VPS13D: variants seen among roughly 807,000 people sequenced by gnomAD.
VPS13D encodes the protein intermembrane lipid transfer protein VPS13D.
VPS13D carries 187 observed loss-of-function variants against 461.9 expected under a neutral mutation model. The ratio of observed to expected loss-of-function variants is 0.40; its 90% CI spans 0.36 to 0.46. The LOEUF is 0.46. VPS13D is among the 20% of genes least tolerant of loss of function. The pLI is 0.60. For synonymous variants in VPS13D, 1,951 were observed against 1,986.3 expected, an observed-to-expected ratio of 0.98 and a Z score of 0.47; for missense variants, 4,711 against 5,364.9, an observed-to-expected ratio of 0.88 and a Z score of 3.81.
chr1:12,242,477 T>C, intron 2 of VPS13D, 36 bp from the exon 3 acceptor site: 1 of 1,590,452 alleles, frequency 6.3e-7, no homozygotes, highest in Non-Finnish European at 8.6e-7. Context: ...CTGTATTTGT[T>C]AAATGGATAT....
chr1:12,266,794 C>T, intron 13 of VPS13D, 87 bp from the exon 14 acceptor site: 1 of 1,187,044 alleles, frequency 8.4e-7, no homozygotes, highest in Non-Finnish European at 1.1e-6. Flanking sequence ...CTATAATAAT[C>T]TTCTGTAAAA....
intron 67 of VPS13D, among the ~76,000 whole-genome samples, chr1:12,471,574 T>C (rs1250697774): frequency 6.6e-6 from 1 of 152,248 alleles, no homozygotes; most frequent in Non-Finnish European, 1.5e-5. Context: ...ATAAACCAAC[T>C]GCTATTTCTT....
chr1:12,467,233 A>T (rs189156727), intron 67 of VPS13D, among the ~76,000 whole-genome samples: 8 of 152,142 alleles, frequency 5.3e-5, no homozygotes, highest in African/African-American at 1.9e-4. Context: ...ATGCAGTGGC[A>T]CAACCTCGGC....
intron 65 of VPS13D, 91 bp downstream of exon 65, chr1:12,416,918 A>C: frequency 7.3e-7 from 1 of 1,368,580 alleles, no homozygotes; most frequent in South Asian, 1.7e-5. Context: ...GGCTGTGAAA[A>C]GTTATATTCA....
At chr1:12,294,775 G>A (rs1460242372) in intron 24 of VPS13D, among the ~76,000 whole-genome samples, 1 of 152,054 alleles carries the variant, frequency 6.6e-6, no homozygotes, top group East Asian at 1.9e-4. Flanking sequence ...TGGCGCCACT[G>A]CACTCCAGTC....
At chr1:12,250,106 T>TA (rs1401344474) in intron 6 of VPS13D, among the ~76,000 whole-genome samples, 7 of 152,194 alleles carry the variant, frequency 4.6e-5, no homozygotes, top group Non-Finnish European at 1.0e-4. Context: ...TGGTTTATAA[T>TA]AAACGGTGTT....
chr1:12,262,770 CT>C (rs767381111), intron 13 of VPS13D, among the ~76,000 whole-genome samples: 9 of 150,902 alleles, frequency 6.0e-5, no homozygotes, highest in Non-Finnish European at 1.2e-4. Flanking sequence ...GTGGCATGAT[CT>C]TGGCTCACTG....
rs145667055 is a variant in VPS13D, at chr1:12,342,948, G to A, written c.8782G>A (p.Gly2928Arg). The change falls in exon 42 of 70, where the codon GGA becomes AGA. Residue 2928 changes from glycine (G) to arginine (R), a missense_variant. This residue lies in a region of VPS13D where 4,411 missense variants were observed against 4,937.8 expected (regional missense o/e 0.89). Coordinates refer to ENST00000620676, the MANE Select transcript of VPS13D (RefSeq NM_015378.4). ...TCCAGGGGTAGTTCCAGAAGGGAAC[G>A]GAACATTTCTCGATGATACTCACAA... ...GSPGVVPEGN[G>R]TFLDDTHNVS... 73 of 1,613,742 alleles carry A rather than the reference G, an allele frequency of 4.5e-5. No homozygotes were observed. The highest frequency in any genetic ancestry group is 6.7e-5 in the African/African-American group (5 of 75,020).
chr1:12,459,412 C>T (rs1645373538), intron 66 of VPS13D, among the ~76,000 whole-genome samples: 1 of 152,090 alleles, frequency 6.6e-6, no homozygotes, highest in African/African-American at 2.4e-5. Flanking sequence ...CTGGATCAAT[C>T]CCACATGGAT....
intron 6 of VPS13D, among the ~76,000 whole-genome samples, chr1:12,251,444 T>C (rs924875673): frequency 1.2e-4 from 18 of 152,254 alleles, no homozygotes; most frequent in African/African-American, 4.3e-4. Flanking sequence ...CCCTGTTCTG[T>C]GATCTCCAGG....
At chr1:12,365,237 C>CAT (rs1247540438) in intron 52 of VPS13D, among the ~76,000 whole-genome samples, 1 of 152,176 alleles carries the variant, frequency 6.6e-6, no homozygotes, top group Non-Finnish European at 1.5e-5. Flanking sequence ...TTTCTCTATT[C>CAT]AGAGTTCCTT....
chr1:12,321,643 C>T (rs566617140), intron 32 of VPS13D, among the ~76,000 whole-genome samples, 166 bp from the exon 33 acceptor site: 11 of 152,234 alleles, frequency 7.2e-5, no homozygotes, highest in South Asian at 2.1e-4. Context: ...CGTGTGCTCT[C>T]GGCAGCGGTG....
intron 38 of VPS13D, among the ~76,000 whole-genome samples, chr1:12,334,328 TCTCACAACATCTCTTA>T (rs371541982): frequency 0.014 from 2,097 of 152,318 alleles, 65 homozygotes; most frequent in African/African-American, 0.048. Flanking sequence ...CTACATTGTT[TCTCACAACATCTCTTA>T]CTCACAACAT....
At chr1:12,316,277 G>A (rs765979653) in intron 30 of VPS13D, among the ~76,000 whole-genome samples, 2 of 152,072 alleles carry the variant, frequency 1.3e-5, no homozygotes, top group Non-Finnish European at 2.9e-5. Flanking sequence ...CCTTACCTTG[G>A]CTCTTGCTAA....
At chr1:12,379,909 C>T (rs1305640891) in intron 57 of VPS13D, among the ~76,000 whole-genome samples, 1 of 152,046 alleles carries the variant, frequency 6.6e-6, no homozygotes, top group Non-Finnish European at 1.5e-5. Flanking sequence ...GCTGGGACTA[C>T]AGGTGCCCGC....
intron 30 of VPS13D, among the ~76,000 whole-genome samples, chr1:12,315,861 G>C (rs1206807412): frequency 2.0e-5 from 3 of 151,762 alleles, no homozygotes; most frequent in African/African-American, 7.3e-5. Flanking sequence ...CTGTCGCCTA[G>C]GCTGGAGTGC....
intron 46 of VPS13D, 71 bp downstream of exon 46, chr1:12,349,445 C>CT (rs1271864694): frequency 5.0e-6 from 7 of 1,396,200 alleles, no homozygotes. Context: ...TATTACCATT[C>CT]TTTCTCTAAA....
intron 67 of VPS13D, among the ~76,000 whole-genome samples, chr1:12,460,936 AC>A (rs1008160011): frequency 1.3e-5 from 2 of 151,572 alleles, no homozygotes; most frequent in Admixed American, 6.6e-5. Flanking sequence ...GAAAAGTGCC[AC>A]CCCCCATCCC....
chr1:12,415,303 C>A, intron 64 of VPS13D, 82 bp downstream of exon 64: 1 of 1,569,796 alleles, frequency 6.4e-7, no homozygotes, highest in Non-Finnish European at 8.7e-7. Flanking sequence ...GTTACTAAGG[C>A]ATTACTATTG....
Sources: gnomAD v4.1 joint callset for allele counts (sites outside exome capture counted in the v4.1 genomes callset) on GRCh38, gnomAD v4.1.1 for gene constraint, gnomAD v4.1.1 regional missense constraint, MANE v1.5 for transcripts, NCBI Gene and HGNC (gene_info 2026-07-23, HGNC 2026-07-21) for gene names.